CACNA2D4: variants seen among roughly 807,000 people sequenced by gnomAD.
CACNA2D4 encodes the protein voltage-dependent calcium channel subunit alpha-2/delta-4.
Under a neutral mutation model 163.8 loss-of-function variants are expected in CACNA2D4, and 157 were observed. The ratio of observed to expected loss-of-function variants is 0.96; its 90% CI spans 0.84 to 1.09. The LOEUF (loss-of-function observed/expected upper bound fraction) is 1.09, where lower values mean the gene tolerates loss of function less well. Among genes scored for constraint, CACNA2D4 ranks in the 50% least tolerant of loss-of-function variants. The pLI, the probability that CACNA2D4 is intolerant of heterozygous loss-of-function variation, is 0.00. For missense variants in CACNA2D4, 1,410 were observed against 1,479.9 expected, an observed-to-expected ratio of 0.95 and a Z score of 0.78; for synonymous variants, 598 against 586.9, an observed-to-expected ratio of 1.02 and a Z score of -0.27.
At chr12:1,865,650 A>C (rs893127944) in intron 18 of CACNA2D4, among the ~76,000 whole-genome samples, 8 of 152,198 alleles carry the variant, frequency 5.3e-5, no homozygotes, top group Non-Finnish European at 8.8e-5. Context: ...ACCACGCACG[A>C]GGCCCAGCAG....
intron 1 of CACNA2D4, chr12:1,915,243 C>T (rs534259188): frequency 1.7e-5 from 12 of 702,614 alleles, no homozygotes; most frequent in South Asian, 5.9e-5. Context: ...GGGCAGGAGA[C>T]GCGGAGAACC....
At position 1,828,437 on chromosome 12, in the gene CACNA2D4, CCTGGAG is replaced by C. The variant is rs1173812034; in HGVS notation, c.2551+12296_2551+12301del. Among the ~76,000 whole-genome samples the C allele has an allele frequency of 6.6e-6, 1 of 152,222 alleles. No individual in the cohort carries two copies. The highest frequency in any genetic ancestry group is 1.5e-5 in the Non-Finnish European group (1 of 68,034). On this transcript the variant is annotated intron_variant, in intron 26 of 37. Coordinates refer to ENST00000382722, the MANE Select transcript of CACNA2D4 (RefSeq NM_172364.5). The surrounding 1 kb of genome is among the most constrained non-coding windows in gnomAD (Gnocchi z 4.2). ...CACCGCTGAGTGCTGAGTGGTTAGA[CCTGGAG>C]CTGGAGGCCACGACAGTTGTTCTAC...
chr12:1,834,473 C>T lies in CACNA2D4; in HGVS notation c.2551+6266G>A, dbSNP rs1269676263. 6.2e-7 allele frequency: 1 copy of T among 1,610,406 alleles called. No individual in the cohort carries two copies. The highest frequency in any genetic ancestry group is 1.3e-5 in the African/African-American group (1 of 75,054). ...GCCCGGGGCTGAGCCGGAGCCGGAG[C>T]CCAGCACAGCCTGCCCACAGAAGCA... On this transcript the variant is annotated intron_variant, in intron 26 of 37. Coordinates refer to ENST00000382722, the MANE Select transcript of CACNA2D4 (RefSeq NM_172364.5). The surrounding 1 kb of genome is among the most constrained non-coding windows in gnomAD (Gnocchi z 7.6).
In CACNA2D4 at chr12:1,886,214, C is replaced by T. The variant is rs1294223570; in HGVS notation, c.993+9G>A. 3 of 1,612,308 alleles carry T rather than the reference C, an allele frequency of 1.9e-6. No homozygotes were observed. Among genetic ancestry groups the T allele is most frequent in the Non-Finnish European group, 2.5e-6 (3 of 1,178,452 alleles). ...TGAGAGCTATTCTAGAACAGGAAGG[C>T]ACATTTACCGCTATGATATTAATGA... On this transcript the variant is annotated intron_variant, in intron 8 of 37. Coordinates refer to ENST00000382722, the MANE Select transcript of CACNA2D4 (RefSeq NM_172364.5).
intron 18 of CACNA2D4, among the ~76,000 whole-genome samples, chr12:1,868,739 G>C (rs963102143): frequency 2.0e-5 from 3 of 151,990 alleles, no homozygotes; most frequent in African/African-American, 7.3e-5. Context: ...AGTACAGTTG[G>C]TCCTCCCATA....
Position 1,793,614 on chromosome 12 carries a change from G to A in CACNA2D4, c.*41C>T. On this transcript the variant is annotated 3_prime_UTR_variant, in exon 38 of 38. Transcript: ENST00000382722. ...GTGCTGACTTTTTGGGATGGCTCTG[G>A]AAGGATCACCTTGCCAAAACACAGG... 1 of 1,572,358 alleles carries A rather than the reference G, an allele frequency of 6.4e-7. No individual in the cohort carries two copies. Among genetic ancestry groups the A allele is most frequent in the East Asian group, 2.2e-5 (1 of 44,710 alleles).
At chr12:1,841,845 G>A (rs938124077) in intron 25 of CACNA2D4, among the ~76,000 whole-genome samples, 2 of 152,134 alleles carry the variant, frequency 1.3e-5, no homozygotes, top group African/African-American at 2.4e-5. Context: ...ACCCGCTGTC[G>A]TCAAATATCT....
intron 2 of CACNA2D4, among the ~76,000 whole-genome samples, 198 bp from the exon 3 acceptor site, chr12:1,913,337 C>T (rs1390846776): frequency 6.6e-6 from 1 of 152,234 alleles, no homozygotes; most frequent in East Asian, 1.9e-4. Flanking sequence ...CCTCAAATAT[C>T]CTCTCTGTTC....
chr12:1,804,164 T>C (rs1863437470), intron 29 of CACNA2D4, among the ~76,000 whole-genome samples: 1 of 143,428 alleles, frequency 7.0e-6, no homozygotes, highest in African/African-American at 2.6e-5. Flanking sequence ...TGTGTGTGTG[T>C]CCCCTCCGTC....
chr12:1,794,135 A>G (rs73591797), intron 37 of CACNA2D4, among the ~76,000 whole-genome samples: 1,530 of 152,256 alleles, frequency 0.01, 30 homozygotes, highest in African/African-American at 0.035. Context: ...ACCAGCCACT[A>G]TGACTATTAT....
At chr12:1,871,903 A>G (rs1865796472) in intron 18 of CACNA2D4, among the ~76,000 whole-genome samples, 1 of 152,186 alleles carries the variant, frequency 6.6e-6, no homozygotes, top group South Asian at 2.1e-4. Context: ...ATGATCAAAA[A>G]CGAGAATGAC....
chr12:1,801,127 C>T lies in CACNA2D4; in HGVS notation c.2793-9G>A. On this transcript the variant is annotated splice_polypyrimidine_tract_variant and intron_variant, in intron 30 of 37. Coordinates refer to ENST00000382722, the MANE Select transcript of CACNA2D4 (RefSeq NM_172364.5). ...AGTCATACATAGTCACTCTGAAAAT[C>T]AGAAGCGGGCTGTGATGAGTCCAAA... 6.2e-7 allele frequency: 1 copy of T among 1,613,706 alleles called. No homozygotes were observed. The highest frequency in any genetic ancestry group is 8.5e-7 in the Non-Finnish European group (1 of 1,179,648).
chr12:1,807,837 G>A (rs191657141), intron 29 of CACNA2D4, among the ~76,000 whole-genome samples: 35 of 152,266 alleles, frequency 2.3e-4, no homozygotes, highest in African/African-American at 8.2e-4. Context: ...CAAGCACGGC[G>A]GGAGCGGGGG....
Position 1,806,935 on chromosome 12 carries a change from G to A in CACNA2D4, c.2721+3343C>T, listed in dbSNP as rs1455966253. 2.0e-5 allele frequency among the ~76,000 whole-genome samples: 3 copies of A among 152,092 alleles called. No individual in the cohort carries two copies. Among genetic ancestry groups the A allele is most frequent in the African/African-American group, 7.2e-5 (3 of 41,440 alleles). ...GCCCTCGATGGCACTTGTGTGTTTGGGGAAGAGGGGCAGGTTTGGGTCGGT... is the reference window on the plus strand; with the variant it reads ...GCCCTCGATGGCACTTGTGTGTTTGAGGAAGAGGGGCAGGTTTGGGTCGGT... On this transcript the variant is annotated intron_variant, in intron 29 of 37. Transcript: ENST00000382722. This position sits in a 1 kb window ranked among gnomAD's most constrained non-coding sequence, Gnocchi z 4.1.
Position 1,843,610 on chromosome 12 carries a change from G to A in CACNA2D4, c.2470+792C>T, listed in dbSNP as rs1865079660. 6.6e-6 allele frequency among the ~76,000 whole-genome samples: 1 copy of A among 152,250 alleles called. No individual in the cohort carries two copies. Among genetic ancestry groups the A allele is most frequent in the Non-Finnish European group, 1.5e-5 (1 of 68,038 alleles). ...TGGGATCCCTGGACAAGCCCCGGAA[G>A]CTCCCTGGGCCACAGTCACTTCGAG... On this transcript the variant is annotated intron_variant, in intron 25 of 37. Coordinates refer to ENST00000382722, the MANE Select transcript of CACNA2D4 (RefSeq NM_172364.5). This position sits in a 1 kb window ranked among gnomAD's most constrained non-coding sequence, Gnocchi z 4.6.
intron 18 of CACNA2D4, among the ~76,000 whole-genome samples, chr12:1,873,767 C>T (rs946944877): frequency 3.3e-5 from 5 of 152,236 alleles, no homozygotes; most frequent in African/African-American, 9.6e-5. Context: ...TGCAGGAGGC[C>T]TTTCTCAGCC....
intron 26 of CACNA2D4, among the ~76,000 whole-genome samples, chr12:1,816,373 C>T (rs58865324): frequency 0.028 from 4,199 of 152,284 alleles, 188 homozygotes; most frequent in African/African-American, 0.095. Flanking sequence ...CTGTTTTAGA[C>T]CCTGACCTTC....
chr12:1,867,597 T>G (rs1865682029), intron 18 of CACNA2D4, among the ~76,000 whole-genome samples: 1 of 152,194 alleles, frequency 6.6e-6, no homozygotes, highest in Non-Finnish European at 1.5e-5. Context: ...ACCTTCTGCA[T>G]AGCAAACAAT....
intron 25 of CACNA2D4, among the ~76,000 whole-genome samples, chr12:1,842,511 G>A (rs1306419346): frequency 2.0e-5 from 3 of 152,136 alleles, no homozygotes; most frequent in African/African-American, 7.2e-5. Context: ...CTGAGCGAGT[G>A]AGTGGGCTGT....
Sources: allele counts gnomAD v4.1 joint callset (sites outside exome capture counted in the v4.1 genomes callset), GRCh38; gene constraint gnomAD v4.1.1; non-coding constraint Gnocchi (gnomAD v3.1); transcripts MANE v1.5; gene names NCBI Gene and HGNC (gene_info 2026-07-23, HGNC 2026-07-21).